The following MBD5 variants were observed in gnomAD, a reference collection of about 807,000 sequenced individuals.
The protein encoded by MBD5 is methyl-CpG-binding domain protein 5.
Under a neutral mutation model 117.3 loss-of-function variants are expected in MBD5, and 13 were observed. That is an observed-to-expected ratio of 0.11 (90% CI 0.07 to 0.18). MBD5 has a LOEUF of 0.18. MBD5 is among the 10% of genes least tolerant of loss of function. MBD5 has a pLI of 1.00. For missense variants in MBD5, 1,879 were observed against 2,093.8 expected (o/e 0.90, Z 2.00); for synonymous variants, 727 against 766.4 (o/e 0.95, Z 0.85).
At chr2:148,298,878 T>G (rs1196523614) in intron 3 of MBD5, among the ~76,000 whole-genome samples, 2 of 152,174 alleles carry the variant, frequency 1.3e-5, no homozygotes, top group African/African-American at 4.8e-5. Flanking sequence ...CATGGCATTC[T>G]GTAGGTGATA....
chr2:148,486,066 T>C, intron 10 of MBD5, 116 bp downstream of exon 10: 1 of 910,520 alleles, frequency 1.1e-6, no homozygotes, highest in Non-Finnish European at 1.8e-6. Context: ...CTCTATTTAC[T>C]GTTATTTCTC....
chr2:148,476,232 T>C (rs1680960184), intron 8 of MBD5, among the ~76,000 whole-genome samples: 1 of 152,132 alleles, frequency 6.6e-6, no homozygotes, highest in African/African-American at 2.4e-5. Flanking sequence ...AGAGCACAGC[T>C]CCATAGACCA....
At chr2:148,457,633 A>G (rs770911743) in intron 4 of MBD5, among the ~76,000 whole-genome samples, 3 of 152,120 alleles carry the variant, frequency 2.0e-5, no homozygotes, top group South Asian at 2.1e-4. Context: ...ATTCTTGACT[A>G]TAAAGCAACT....
At chr2:148,134,271 C>T (rs528059141) in intron 1 of MBD5, among the ~76,000 whole-genome samples, 34 of 152,170 alleles carry the variant, frequency 2.2e-4, no homozygotes, top group African/African-American at 7.0e-4. Flanking sequence ...AATAGAGATA[C>T]AGATATACAA....
chr2:148,435,013 G>A (rs767048167), intron 4 of MBD5, among the ~76,000 whole-genome samples: 6 of 152,066 alleles, frequency 3.9e-5, no homozygotes, highest in Non-Finnish European at 8.8e-5. Flanking sequence ...CATAACATGT[G>A]GTCTTCATTG....
intron 4 of MBD5, among the ~76,000 whole-genome samples, chr2:148,410,891 G>A (rs772127790): frequency 4.6e-5 from 7 of 152,114 alleles, no homozygotes; most frequent in Non-Finnish European, 7.4e-5. Context: ...AGGGGTACAT[G>A]TGCAGGTTTG....
chr2:148,515,664 CT>C lies in MBD5; in HGVS notation c.*2728del, dbSNP rs1682330588. 1 of 152,128 alleles carries C rather than the reference CT, an allele frequency of 6.6e-6. No homozygotes were observed. Among genetic ancestry groups the C allele is most frequent in the East Asian group, 1.9e-4 (1 of 5,192 alleles). 9.4% of individuals were successfully genotyped at this position (152,128 alleles called of 1,614,324 possible). On this transcript the variant is annotated 3_prime_UTR_variant, in exon 14 of 14. Transcript: ENST00000642680. ...CAAAATTTTTATTCCCTAAAATAAA[CT>C]TTTTAAGAAACAAATCCAAGAATGG...
Position 148,092,816 on chromosome 2 carries a change from A to T in MBD5, c.-925+71132A>T, listed in dbSNP as rs867563217. ...GTTCCCCCAAAACTTTTGAAATTAA[A>T]AAAAAAAAAAAATTTAAACAAAACA... On this transcript the variant is annotated intron_variant, in intron 1 of 13. Coordinates refer to ENST00000642680, the MANE Select transcript of MBD5 (RefSeq NM_001378120.1). 6.0e-3 allele frequency among the ~76,000 whole-genome samples: 241 copies of T among 40,494 alleles called. 8 individuals are homozygous for T. In the South Asian group the frequency reaches 0.14, roughly 24 times the overall value. 26.6% of individuals were successfully genotyped at this position (40,494 alleles called of 152,430 possible).
At chr2:148,351,637 A>G (rs1441632057) in intron 4 of MBD5, among the ~76,000 whole-genome samples, 2 of 152,040 alleles carry the variant, frequency 1.3e-5, no homozygotes, top group South Asian at 2.1e-4. Flanking sequence ...TGAGTCATCA[A>G]TCTGGTAAGT....
intron 11 of MBD5, among the ~76,000 whole-genome samples, chr2:148,496,956 A>G (rs1333301163): frequency 6.6e-6 from 1 of 152,204 alleles, no homozygotes; most frequent in Non-Finnish European, 1.5e-5. Flanking sequence ...ACTCTAAATT[A>G]TTTATCATTT....
intron 1 of MBD5, among the ~76,000 whole-genome samples, chr2:148,165,202 C>G (rs1479837090): frequency 6.6e-6 from 1 of 152,034 alleles, no homozygotes; most frequent in Non-Finnish European, 1.5e-5. Context: ...GTATTTGTTC[C>G]TCTTTTATCT....
At chr2:148,315,144 A>G (rs1193695891) in intron 3 of MBD5, among the ~76,000 whole-genome samples, 2 of 152,232 alleles carry the variant, frequency 1.3e-5, no homozygotes, top group Non-Finnish European at 2.9e-5. Context: ...TTCTTTAGCT[A>G]GGTTACAGAT....
chr2:148,213,775 T>C (rs189760286), intron 2 of MBD5, among the ~76,000 whole-genome samples: 25 of 151,618 alleles, frequency 1.6e-4, no homozygotes, highest in Admixed American at 1.2e-3. Context: ...ATGGTCATCT[T>C]GAGGCAAATT....
At chr2:148,402,018 C>T (rs909727423) in intron 4 of MBD5, among the ~76,000 whole-genome samples, 5 of 151,810 alleles carry the variant, frequency 3.3e-5, no homozygotes, top group Middle Eastern at 3.4e-3. Context: ...AGTGATATCC[C>T]GTTCTCGGTG....
At chr2:148,243,760 T>C (rs1182614490) in intron 3 of MBD5, 1 of 152,116 alleles carries the variant, frequency 6.6e-6, no homozygotes, top group Non-Finnish European at 1.5e-5. Flanking sequence ...CTAGACCTTT[T>C]TCGGGGACCC....
At chr2:148,201,773 CT>C (rs1699149260) in intron 2 of MBD5, among the ~76,000 whole-genome samples, 1 of 152,124 alleles carries the variant, frequency 6.6e-6, no homozygotes, top group Non-Finnish European at 1.5e-5. Flanking sequence ...TGGTTTCTCT[CT>C]CAGTGTGGCT....
chr2:148,428,734 A>G (rs1705889018), intron 4 of MBD5, among the ~76,000 whole-genome samples: 1 of 152,246 alleles, frequency 6.6e-6, no homozygotes, highest in African/African-American at 2.4e-5. Context: ...GACAAAAACA[A>G]GCAATGGTGA....
At chr2:148,124,220 C>T (rs1696834807) in intron 1 of MBD5, among the ~76,000 whole-genome samples, 1 of 152,138 alleles carries the variant, frequency 6.6e-6, no homozygotes, top group Admixed American at 6.6e-5. Context: ...GCAGAGGTTG[C>T]AGTGAGCCAA....
chr2:148,129,306 C>T (rs1696978709), intron 1 of MBD5, among the ~76,000 whole-genome samples: 1 of 151,926 alleles, frequency 6.6e-6, no homozygotes, highest in Non-Finnish European at 1.5e-5. Context: ...CTACCGTGGC[C>T]AACATGGTGA....
Sources: allele counts gnomAD v4.1 joint callset (sites outside exome capture counted in the v4.1 genomes callset), GRCh38; gene constraint gnomAD v4.1.1; transcripts MANE v1.5; gene names NCBI Gene and HGNC (gene_info 2026-07-23, HGNC 2026-07-21).